The following PARVB variants were observed in gnomAD, a reference collection of about 807,000 sequenced individuals.
The protein encoded by PARVB is beta-parvin.
Under a neutral mutation model 47.0 loss-of-function variants are expected in PARVB, and 46 were observed. The observed-to-expected ratio is 0.98, with a 90% CI of 0.77 to 1.25. The LOEUF (loss-of-function observed/expected upper bound fraction) is 1.25. Ranked by LOEUF, PARVB falls within the 50% of genes most tolerant of loss-of-function variation. The pLI is 0.00. For synonymous variants in PARVB, 196 were observed against 196.3 expected, an observed-to-expected ratio of 1.00 and a Z score of 0.01; for missense variants, 473 against 471.6, an observed-to-expected ratio of 1.00 and a Z score of -0.03.
chr22:44,053,056 C>A (rs1412370391), intron 1 of PARVB, among the ~76,000 whole-genome samples: 1 of 151,900 alleles, frequency 6.6e-6, no homozygotes, highest in Non-Finnish European at 1.5e-5. Context: ...AAATAACACA[C>A]ACACATCTTT....
At chr22:44,071,399 A>G (rs181241924) in intron 1 of PARVB, among the ~76,000 whole-genome samples, 10 of 152,290 alleles carry the variant, frequency 6.6e-5, no homozygotes, top group Admixed American at 3.9e-4. Context: ...AATGCAAACG[A>G]ATTGAAAAGC....
At chr22:44,060,809 C>T (rs1236158617) in intron 1 of PARVB, among the ~76,000 whole-genome samples, 1 of 151,990 alleles carries the variant, frequency 6.6e-6, no homozygotes, top group East Asian at 1.9e-4. Flanking sequence ...TGGTTTTGAT[C>T]TATAAAGTTG....
In PARVB at chr22:44,088,837, G is replaced by A. The variant is rs531484754; in HGVS notation, c.113-5091G>A. On this transcript the variant is annotated intron_variant, in intron 1 of 12. Transcript: ENST00000338758. ...GGAAGATGCCCTGCACATAGTAGGT[G>A]CTCAGGAAACGTTAGTGGTGCTCTC... Among the ~76,000 whole-genome samples, 7 of 152,324 alleles carry A rather than the reference G, an allele frequency of 4.6e-5. No homozygotes were observed. In the East Asian group the frequency reaches 1.4e-3, roughly 29 times the overall value.
chr22:44,107,754 G>A (rs944337634), intron 3 of PARVB: 2 of 152,192 alleles, frequency 1.3e-5, no homozygotes, highest in East Asian at 1.9e-4. Context: ...GAGCTTTGGC[G>A]CTGGGAAACA....
upstream of PARVB, among the ~76,000 whole-genome samples, chr22:44,023,098 A>C (rs1280433173): frequency 2.0e-5 from 3 of 152,062 alleles, no homozygotes; most frequent in Admixed American, 1.3e-4. Context: ...GCATCTCAGA[A>C]ATCTGTTTGC....
intron 4 of PARVB, among the ~76,000 whole-genome samples, chr22:44,122,554 CACAGAGACAGAGAGAGAGAG>C (rs1569134533): frequency 0.031 from 1,652 of 53,874 alleles, 47 homozygotes; most frequent in African/African-American, 0.093. Flanking sequence ...GAGAGAGAGA[CACAGAGACAGAGAGAGAGAG>C]AGAGAGAGAG....
intron 2 of PARVB, among the ~76,000 whole-genome samples, chr22:44,006,266 A>G (rs532416503): frequency 6.1e-4 from 91 of 149,242 alleles, no homozygotes; most frequent in Middle Eastern, 3.4e-3. Flanking sequence ...AATGCTTTCA[A>G]TAGTGTATAT....
intron 3 of PARVB, among the ~76,000 whole-genome samples, chr22:44,100,406 G>A (rs1398506398): frequency 6.6e-6 from 1 of 152,138 alleles, no homozygotes; most frequent in Non-Finnish European, 1.5e-5. Context: ...TTAGGATTAG[G>A]AATGAGTGCT....
intron 8 of PARVB, chr22:44,143,280 T>G (rs1601673248): frequency 6.6e-6 from 1 of 152,340 alleles, no homozygotes; most frequent in East Asian, 1.9e-4. Context: ...GTGCCAGTGT[T>G]TACACAACGA....
intron 1 of PARVB, among the ~76,000 whole-genome samples, chr22:44,037,315 C>A (rs751150061): frequency 6.6e-6 from 1 of 150,504 alleles, no homozygotes; most frequent in Non-Finnish European, 1.5e-5. Flanking sequence ...CCCAGCTACT[C>A]GGGAGGCTGA....
At position 44,164,396 on chromosome 22, in the gene PARVB, G is replaced by A. The variant is rs535183144; in HGVS notation, c.1018+466G>A. Among the ~76,000 whole-genome samples the A allele has an allele frequency of 1.8e-3, 216 of 123,094 alleles. 1 individual carries two copies. The highest frequency in any genetic ancestry group is 6.1e-3 in the African/African-American group (176 of 29,046). The allele number at this position is 123,094 out of a possible 152,430, so 80.8% of individuals were successfully genotyped here. A position where few individuals can be genotyped will look rare whatever the true frequency, so the allele number is the denominator to read the frequency against. On this transcript the variant is annotated intron_variant, in intron 12 of 12. Transcript: ENST00000338758. ...GGAGGCCAGCAGAGCTGGGGCGGGC[G>A]GTTGCTTCCCTGTCCCCCCCCCGGC...
chr22:44,039,907 TGGC>T, intron 1 of PARVB: 1 of 453,544 alleles, frequency 2.2e-6, no homozygotes, highest in Non-Finnish European at 4.4e-6. Flanking sequence ...CTCGAACTCC[TGGC>T]CTCCAGTGAT....
intron 9 of PARVB, chr22:44,148,818 T>C (rs560223291): frequency 5.9e-5 from 9 of 152,270 alleles, no homozygotes; most frequent in African/African-American, 2.2e-4. Flanking sequence ...TTTTGGAAAA[T>C]GTTGGCCTGG....
intron 2 of PARVB, chr22:44,009,630 T>C (rs1388551658): frequency 6.6e-6 from 1 of 150,798 alleles, no homozygotes; most frequent in Non-Finnish European, 1.5e-5. Flanking sequence ...ATGTAATATG[T>C]TTATTACATA....
At chr22:44,140,575 C>G in intron 8 of PARVB, 1 of 524,744 alleles carries the variant, frequency 1.9e-6, no homozygotes, top group Non-Finnish European at 3.8e-6. Flanking sequence ...TCCTGGAAAC[C>G]ACTGGTTTAG....
At chr22:44,148,994 G>T (rs1044276029) in intron 9 of PARVB, 14 of 152,188 alleles carry the variant, frequency 9.2e-5, no homozygotes, top group African/African-American at 3.1e-4. Context: ...GTGGCCCCCA[G>T]GGACCCTGAC....
chr22:44,108,218 C>T (rs1444177299), intron 3 of PARVB: 1 of 152,182 alleles, frequency 6.6e-6, no homozygotes, highest in Admixed American at 6.5e-5. Flanking sequence ...GTTGGTAATC[C>T]TCAGTAAAAT....
At chr22:44,095,388 C>T (rs764398189) in intron 2 of PARVB, among the ~76,000 whole-genome samples, 26 of 152,034 alleles carry the variant, frequency 1.7e-4, no homozygotes, top group Non-Finnish European at 2.8e-4. Context: ...CCTGTAATTC[C>T]AGCTACTCTG....
chr22:44,167,137 C>T (rs2054185926), intron 12 of PARVB, among the ~76,000 whole-genome samples: 1 of 152,214 alleles, frequency 6.6e-6, no homozygotes, highest in African/African-American at 2.4e-5. Context: ...CCCCTGCCCC[C>T]TTGTGGGGAC....
Sources: gnomAD v4.1 joint callset for allele counts (sites outside exome capture counted in the v4.1 genomes callset) on GRCh38, gnomAD v4.1.1 for gene constraint, MANE v1.5 for transcripts, NCBI Gene and HGNC (gene_info 2026-07-23, HGNC 2026-07-21) for gene names.